The following LPCAT2 variants were observed in gnomAD, a reference collection of about 807,000 sequenced individuals.
LPCAT2 encodes 1-AGP acyltransferase 11.
Under a neutral mutation model 64.7 loss-of-function variants are expected in LPCAT2, and 58 were observed. That is an observed-to-expected ratio of 0.90 (90% CI 0.73 to 1.12). The LOEUF is 1.12. Among genes scored for constraint, LPCAT2 ranks in the 50% most tolerant of loss-of-function variants. LPCAT2 has a pLI of 0.00. For synonymous variants in LPCAT2, 252 were observed against 245.3 expected, an observed-to-expected ratio of 1.03 and a Z score of -0.26; for missense variants, 579 against 669.8, an observed-to-expected ratio of 0.86 and a Z score of 1.50.
At position 55,531,906 on chromosome 16, in the gene LPCAT2, T is replaced by C; in HGVS notation, c.643-8T>C. On this transcript the variant is annotated splice_polypyrimidine_tract_variant and splice_region_variant and intron_variant, in intron 4 of 13. Coordinates refer to ENST00000262134, the MANE Select transcript of LPCAT2 (RefSeq NM_017839.5). ...TTGAAATATTAAATCTATTCCTTTT[T>C]TCCCAAGATACTAGTTTTCCCAGAA... The C allele has an allele frequency of 6.5e-7, 1 of 1,546,752 alleles. No homozygotes were observed. Among genetic ancestry groups the C allele is most frequent in the Non-Finnish European group, 8.9e-7 (1 of 1,120,362 alleles).
Position 55,586,022 on chromosome 16 carries a change from T to C in LPCAT2, c.*2924T>C, listed in dbSNP as rs1275554660. 1 of 152,218 alleles carries C rather than the reference T, an allele frequency of 6.6e-6. No homozygotes were observed. The highest frequency in any genetic ancestry group is 1.5e-5 in the Non-Finnish European group (1 of 68,032). The allele number at this position is 152,218 out of a possible 1,614,324, so 9.4% of individuals were successfully genotyped here. On this transcript the variant is annotated 3_prime_UTR_variant, in exon 14 of 14. Coordinates refer to ENST00000262134, the MANE Select transcript of LPCAT2 (RefSeq NM_017839.5). ...AATGCTAACATGAATAGAAAGATAC[T>C]GGTGCAAGACCATTCCCGGGAAAGT... is the stretch of plus-strand genomic sequence containing the variant.
chr16:55,538,636 C>T (rs1053126440), intron 8 of LPCAT2: 5 of 139,102 alleles, frequency 3.6e-5, no homozygotes, highest in Non-Finnish European at 6.1e-5. Context: ...ATATTTCATA[C>T]ACCCCCACTT....
chr16:55,581,713 G>A (rs1963888751), intron 13 of LPCAT2, among the ~76,000 whole-genome samples: 1 of 152,182 alleles, frequency 6.6e-6, no homozygotes, highest in African/African-American at 2.4e-5. Context: ...CTAATCCAAA[G>A]ACCATGCTAT....
chr16:55,512,411 C>T (rs78764849), intron 1 of LPCAT2, among the ~76,000 whole-genome samples: 2,385 of 152,282 alleles, frequency 0.016, 59 homozygotes, highest in African/African-American at 0.051. Context: ...AATAATACTT[C>T]TATACTGTGT....
chr16:55,569,007 G>A (rs1963739229), intron 11 of LPCAT2, among the ~76,000 whole-genome samples: 1 of 152,140 alleles, frequency 6.6e-6, no homozygotes, highest in Non-Finnish European at 1.5e-5. Flanking sequence ...GATTTTTAAT[G>A]CATTGTCTCT....
intron 1 of LPCAT2, among the ~76,000 whole-genome samples, chr16:55,522,186 C>G (rs1199112032): frequency 6.6e-6 from 1 of 151,638 alleles, no homozygotes; most frequent in Non-Finnish European, 1.5e-5. Context: ...GTCAATCTTA[C>G]ATTTATATAC....
intron 9 of LPCAT2, among the ~76,000 whole-genome samples, chr16:55,548,931 C>T (rs1345017071): frequency 5.3e-5 from 8 of 152,174 alleles, no homozygotes; most frequent in Admixed American, 3.9e-4. Context: ...GAGGCTTCAT[C>T]CACAGCTGGT....
At chr16:55,546,008 C>A (rs531811487) in intron 9 of LPCAT2, among the ~76,000 whole-genome samples, 191 bp downstream of exon 9, 1 of 152,096 alleles carries the variant, frequency 6.6e-6, no homozygotes, top group South Asian at 2.1e-4. Context: ...AGCTGCATAC[C>A]ACAAATAAGG....
At chr16:55,563,269 G>T (rs1248639136) in intron 11 of LPCAT2, among the ~76,000 whole-genome samples, 1 of 151,854 alleles carries the variant, frequency 6.6e-6, no homozygotes, top group Non-Finnish European at 1.5e-5. Flanking sequence ...AGGACCAGTT[G>T]GCTTCACTGG....
chr16:55,565,286 A>C (rs1339102464), intron 11 of LPCAT2, among the ~76,000 whole-genome samples: 1 of 152,064 alleles, frequency 6.6e-6, no homozygotes, highest in African/African-American at 2.4e-5. Context: ...GTCAATAAGG[A>C]AAAGCGTATG....
rs1418437420 is a variant in LPCAT2 at position 55,579,175 on chromosome 16, C to T, written c.1381C>T (p.Leu461Phe). The T allele has an allele frequency of 5.0e-6, 8 of 1,613,416 alleles. No individual in the cohort carries two copies. The highest frequency in any genetic ancestry group is 1.1e-5 in the South Asian group (1 of 91,060). The part of the protein sequence containing the change: ...EEFSTILQAS[L>F]GVPDLDVSGL... ...GTTCTCCACCATTCTACAGGCTTCC[C>T]TTGGAGTGCCTGACCTTGATGTTTC... Residue 461 changes from leucine (L) to phenylalanine (F), a missense_variant, in exon 13 of 14, where the codon CTT becomes TTT. Physicochemically the swap from Leu to Phe is conservative, Grantham distance 22. Coordinates refer to ENST00000262134, the MANE Select transcript of LPCAT2 (RefSeq NM_017839.5).
intron 2 of LPCAT2, among the ~76,000 whole-genome samples, chr16:55,527,805 A>G (rs748060051): frequency 4.2e-4 from 64 of 152,184 alleles, no homozygotes; most frequent in Non-Finnish European, 8.4e-4. Flanking sequence ...ATGATTGTTG[A>G]TGATATCTAA....
At chr16:55,552,335 T>C (rs1328934948) in intron 11 of LPCAT2, among the ~76,000 whole-genome samples, 2 of 152,240 alleles carry the variant, frequency 1.3e-5, no homozygotes, top group Non-Finnish European at 2.9e-5. Flanking sequence ...AGTTACTTTA[T>C]CTATTCCCTA....
chr16:55,513,503 A>G lies in LPCAT2; in HGVS notation c.171+4151A>G, dbSNP rs146843467. On this transcript the variant is annotated intron_variant, in intron 1 of 13. Coordinates refer to ENST00000262134, the MANE Select transcript of LPCAT2 (RefSeq NM_017839.5). ...GGCCTCTGAAAATTATCTTCTCTAT[A>G]AAAGCAATGAAAACAAAAAAAAAAA... is the stretch of plus-strand genomic sequence containing the variant. Among the ~76,000 whole-genome samples, 519 of 125,348 alleles carry G rather than the reference A, an allele frequency of 4.1e-3. 4 individuals are homozygous for G. Among genetic ancestry groups the G allele is most frequent in the South Asian group, 0.01 (39 of 3,860 alleles). 82.2% of individuals were successfully genotyped at this position (125,348 alleles called of 152,430 possible).
intron 11 of LPCAT2, among the ~76,000 whole-genome samples, chr16:55,569,679 A>T (rs1266637396): frequency 6.6e-6 from 1 of 152,160 alleles, no homozygotes. Flanking sequence ...CAGCATGCTC[A>T]TGGAAAAACA....
At position 55,509,242 on chromosome 16, in the gene LPCAT2, A is replaced by T. The variant is rs1962885617; in HGVS notation, c.61A>T (p.Asn21Tyr). The T allele has an allele frequency of 1.3e-6, 2 of 1,483,266 alleles. No homozygotes were observed. Among genetic ancestry groups the T allele is most frequent in the East Asian group, 2.7e-5 (1 of 36,876 alleles). The allele number at this position is 1,483,266 out of a possible 1,614,324, so 91.9% of individuals were successfully genotyped here. Residue 21 changes from asparagine to tyrosine, a missense_variant, in exon 1 of 14, where the codon AAC becomes TAC. Coordinates refer to ENST00000262134, the MANE Select transcript of LPCAT2 (RefSeq NM_017839.5). ...CACAGTGCCAGGTGCCGGCGTCGGG[A>T]ACGTGGGGCTGCGGCCGCCCATGGT... ...AATVPGAGVG[N>Y]VGLRPPMVPR...
intron 11 of LPCAT2, among the ~76,000 whole-genome samples, chr16:55,565,252 G>C (rs1027694978): frequency 2.0e-5 from 3 of 152,190 alleles, no homozygotes; most frequent in Admixed American, 2.0e-4. Context: ...CTTGTGTATT[G>C]CTGGTGGGGA....
intron 10 of LPCAT2, 82 bp from the exon 11 acceptor site, chr16:55,550,867 A>T (rs1346742045): frequency 8.6e-7 from 1 of 1,159,798 alleles, no homozygotes; most frequent in Non-Finnish European, 1.2e-6. Context: ...TCCCAGATAC[A>T]TTAATAAAAT....
chr16:55,549,418 A>C lies in LPCAT2; in HGVS notation c.1061+16A>C, dbSNP rs748691642. 2 of 1,578,568 alleles carry C rather than the reference A, an allele frequency of 1.3e-6. No homozygotes were observed. The highest frequency in any genetic ancestry group is 1.7e-6 in the Non-Finnish European group (2 of 1,169,052). On this transcript the variant is annotated intron_variant, in intron 10 of 13. Transcript: ENST00000262134. Reference sequence around the variant, plus strand: ...GAAAATTGAAGTAAGTGTATTTTAAAATGACTACACTTTCATAAAGTTGTC... The same window carrying C: ...GAAAATTGAAGTAAGTGTATTTTAACATGACTACACTTTCATAAAGTTGTC...
Sources: gnomAD v4.1 joint callset for allele counts (sites outside exome capture counted in the v4.1 genomes callset) on GRCh38, gnomAD v4.1.1 for gene constraint, MANE v1.5 for transcripts, NCBI Gene and HGNC (gene_info 2026-07-23, HGNC 2026-07-21) for gene names.